The following SLC20A2 variants were observed in gnomAD, a reference collection of about 807,000 sequenced individuals.
SLC20A2 encodes the protein sodium-dependent phosphate transporter 2.
A neutral mutation model predicts 61.0 loss-of-function variants in SLC20A2; 30 were observed. That is an observed-to-expected ratio of 0.49 (90% CI 0.37 to 0.67). SLC20A2 has a LOEUF of 0.67. SLC20A2 is among the 30% of genes least tolerant of loss of function. The pLI, the probability that SLC20A2 is intolerant of heterozygous loss-of-function variation, is 0.00. For missense variants in SLC20A2, 626 were observed against 866.4 expected (o/e 0.72, Z 3.48); for synonymous variants, 351 against 353.3 (o/e 0.99, Z 0.07).
At chr8:42,541,825 C>T (rs1230664528) in exon 1 of SLC20A2, 1 of 151,534 alleles carries the variant, frequency 6.6e-6, no homozygotes, top group Non-Finnish European at 1.5e-5. Context: ...GCCCGCCTGC[C>T]CTCGGTCCCG....
chr8:42,471,134 C>T, intron 2 of SLC20A2: 1 of 456,146 alleles, frequency 2.2e-6, no homozygotes, highest in African/African-American at 2.0e-5. Context: ...TAGAATTCCT[C>T]TCTAACCCTC....
chr8:42,432,342 A>G (rs921374950), intron 8 of SLC20A2, among the ~76,000 whole-genome samples: 4 of 152,240 alleles, frequency 2.6e-5, no homozygotes, highest in Non-Finnish European at 5.9e-5. Flanking sequence ...TGGCGATGTG[A>G]CTGAACTACT....
At chr8:42,433,388 A>G (rs1432358605) in intron 8 of SLC20A2, among the ~76,000 whole-genome samples, 2 of 151,946 alleles carry the variant, frequency 1.3e-5, no homozygotes, top group Non-Finnish European at 2.9e-5. Context: ...CAGTGACATG[A>G]TCTCGGCTCA....
chr8:42,473,247 GC>G (rs1317287309), intron 1 of SLC20A2, among the ~76,000 whole-genome samples: 1 of 152,188 alleles, frequency 6.6e-6, no homozygotes, highest in Admixed American at 6.5e-5. Flanking sequence ...GAAAAGAGAA[GC>G]CTGGAGAATG....
At chr8:42,443,306 T>C (rs1171360629) in intron 6 of SLC20A2, among the ~76,000 whole-genome samples, 1 of 110,742 alleles carries the variant, frequency 9.0e-6, no homozygotes, top group Non-Finnish European at 1.9e-5. Context: ...TATATATATA[T>C]ATAATAAAAT....
intron 8 of SLC20A2, among the ~76,000 whole-genome samples, chr8:42,435,496 A>T (rs1804180111): frequency 1.3e-5 from 2 of 152,126 alleles, no homozygotes; most frequent in African/African-American, 4.8e-5. Flanking sequence ...TGGGAAACGG[A>T]GACTTCGGAA....
intron 5 of SLC20A2, among the ~76,000 whole-genome samples, chr8:42,450,855 G>C (rs1385877740): frequency 6.6e-6 from 1 of 152,136 alleles, no homozygotes; most frequent in African/African-American, 2.4e-5. Context: ...GGGTACATTT[G>C]TAATAATTTT....
chr8:42,455,223 T>TAA (rs1167685475), intron 5 of SLC20A2, among the ~76,000 whole-genome samples: 46 of 49,632 alleles, frequency 9.3e-4, no homozygotes, highest in South Asian at 2.7e-3. Flanking sequence ...AGACTCCGTC[T>TAA]AAAAAAAAAA....
At chr8:42,492,871 CG>C (rs920812647) in intron 1 of SLC20A2, among the ~76,000 whole-genome samples, 4 of 151,998 alleles carry the variant, frequency 2.6e-5, no homozygotes, top group African/African-American at 9.7e-5. Context: ...AGTAGAGAGA[CG>C]GGGTTTCGCT....
chr8:42,503,527 C>T (rs1486404670), upstream of SLC20A2, among the ~76,000 whole-genome samples: 2 of 152,024 alleles, frequency 1.3e-5, no homozygotes, highest in Non-Finnish European at 2.9e-5. Context: ...AGAAAAGTAA[C>T]AATAAAGAGG....
chr8:42,464,090 A>ATTTTTTTTT lies in SLC20A2; in HGVS notation c.431-1001_431-1000insAAAAAAAAA, dbSNP rs1563488008. On this transcript the variant is annotated intron_variant, in intron 3 of 10. Coordinates refer to ENST00000520262, the MANE Select transcript of SLC20A2 (RefSeq NM_001257180.2). ...TTCTTCCCAAAGGGCAGGCTGGATGATCTTTTTTTTTTTTTTTTTTTTTTT... is the reference window on the plus strand; with the variant it reads ...TTCTTCCCAAAGGGCAGGCTGGATGATTTTTTTTTTCTTTTTTTTTTTTTTTTTTTTTTT... 5.0e-4 allele frequency among the ~76,000 whole-genome samples: 10 copies of ATTTTTTTTT among 20,020 alleles called. 1 individual carries two copies. Among genetic ancestry groups the ATTTTTTTTT allele is most frequent in the Admixed American group, 9.5e-4 (1 of 1,054 alleles). The allele number at this position is 20,020 out of a possible 152,430, so 13.1% of individuals were successfully genotyped here.
Position 42,520,504 on chromosome 8 carries a change from A to G in SLC20A2, c.-265+21317T>C, listed in dbSNP as rs926431155. Among the ~76,000 whole-genome samples, 4 of 119,820 alleles carry G rather than the reference A, an allele frequency of 3.3e-5. 1 individual carries two copies. The South Asian group carries it at 9.1e-4, about 27-fold the overall frequency. 78.6% of individuals were successfully genotyped at this position (119,820 alleles called of 152,430 possible). A position where few individuals can be genotyped will look rare whatever the true frequency, so the allele number is the denominator to read the frequency against. ...CACTTTGGGAGGCCGAGGTGGGCGG[A>G]TCATGGGGTCAGGAGATTGAGACCA... On this transcript the variant is annotated intron_variant, in intron 1 of 10. Coordinates refer to the SLC20A2 transcript ENST00000342228.
chr8:42,437,049 TG>T lies in SLC20A2; in HGVS notation c.1462del (p.His488IlefsTer20). On this transcript the variant is annotated frameshift_variant, in exon 8 of 11. Coordinates refer to ENST00000520262, the MANE Select transcript of SLC20A2 (RefSeq NM_001257180.2). LOFTEE classifies it high-confidence loss of function. The surrounding 1 kb of genome is among the most constrained non-coding windows in gnomAD (Gnocchi z 6.4). ...KDAPEVHLLFHFLQVLTACFG... is the reference protein window; with the variant it reads ...KDAPEVHLLFXFLQVLTACFG... ...ACAGGCGGTGAGGACCTGCAGGAAA[TG>T]GAACAGGAGGTGAACCTCGGGTGCG... 1 of 1,614,036 alleles carries T rather than the reference TG, an allele frequency of 6.2e-7. No individual in the cohort carries two copies. Among genetic ancestry groups the T allele is most frequent in the South Asian group, 1.1e-5 (1 of 91,084 alleles).
At chr8:42,428,663 T>A in intron 10 of SLC20A2, 95 bp downstream of exon 10, 2 of 1,075,862 alleles carry the variant, frequency 1.9e-6, no homozygotes, top group Non-Finnish European at 2.7e-6. Context: ...TGCACAACCA[T>A]CTACAGAGCC....
rs569323123 is a variant in SLC20A2, at chr8:42,419,874, A to G, written c.1795-1907T>C. On this transcript the variant is annotated intron_variant, in intron 10 of 10. Transcript: ENST00000520262. ...TTAAAAAATATATTTACTGAATTTC[A>G]CTCTCTCTAGCTTTCACATATACAA... is the stretch of plus-strand genomic sequence containing the variant. Among the ~76,000 whole-genome samples, 307 of 152,162 alleles carry G rather than the reference A, an allele frequency of 2.0e-3. 3 individuals carry two copies. The highest frequency in any genetic ancestry group is 3.1e-3 in the Non-Finnish European group (212 of 67,992).
At chr8:42,503,306 G>A (rs2131353842), upstream of SLC20A2, among the ~76,000 whole-genome samples, 1 of 152,306 alleles carries the variant, frequency 6.6e-6, no homozygotes, top group South Asian at 2.1e-4. Context: ...ACCTTGAAAA[G>A]CAGAGTAAAT....
rs897472413 is a variant in SLC20A2, at chr8:42,497,438, G to A, written c.-265+3593C>T. Among the ~76,000 whole-genome samples, 9 of 152,218 alleles carry A rather than the reference G, an allele frequency of 5.9e-5. No individual in the cohort carries two copies. In the South Asian group the frequency reaches 1.0e-3, roughly 18 times the overall value. On this transcript the variant is annotated intron_variant, in intron 1 of 10. Transcript: ENST00000520262. The stretch of plus-strand genomic sequence containing the variant: ...TCAGCAGGGCCTGGGTGGGGCCTGA[G>A]AATCTGCATTTCTCACATGTTTCCA...
chr8:42,490,304 A>T (rs1809413609), intron 1 of SLC20A2, among the ~76,000 whole-genome samples: 1 of 151,896 alleles, frequency 6.6e-6, no homozygotes, highest in Admixed American at 6.6e-5. Context: ...TCAAGTAAAA[A>T]CTCTGGATTT....
chr8:42,472,439 T>A lies in SLC20A2; in HGVS notation c.-49A>T. ...TTTTCTTTTGCAGGAATATTTTAAA[T>A]AAACAAAGCTTGAGGTTATAAACTT... On this transcript the variant is annotated 5_prime_UTR_variant, in exon 2 of 11. Coordinates refer to ENST00000520262, the MANE Select transcript of SLC20A2 (RefSeq NM_001257180.2). The surrounding 1 kb of genome is among the most constrained non-coding windows in gnomAD (Gnocchi z 4.1). 6.4e-7 allele frequency: 1 copy of A among 1,557,340 alleles called. No homozygotes were observed. The highest frequency in any genetic ancestry group is 8.8e-7 in the Non-Finnish European group (1 of 1,141,116).
Sources: gnomAD v4.1 joint callset for allele counts (sites outside exome capture counted in the v4.1 genomes callset) on GRCh38, gnomAD v4.1.1 for gene constraint, Gnocchi (gnomAD v3.1) non-coding constraint, MANE v1.5 for transcripts, NCBI Gene and HGNC (gene_info 2026-07-23, HGNC 2026-07-21) for gene names.